The following STXBP5L variants were observed in gnomAD, a reference collection of about 807,000 sequenced individuals.
STXBP5L encodes syntaxin-binding protein 5-like.
STXBP5L carries 65 observed loss-of-function variants against 144.5 expected under a neutral mutation model. That is an observed-to-expected ratio of 0.45 (90% CI 0.37 to 0.55). The LOEUF (loss-of-function observed/expected upper bound fraction) is 0.55. Among genes scored for constraint, STXBP5L ranks in the 20% least tolerant of loss-of-function variants. The pLI, the probability that STXBP5L is intolerant of heterozygous loss-of-function variation, is 0.00. For missense variants in STXBP5L, 1,298 were observed against 1,405.5 expected (o/e 0.92, Z 1.22); for synonymous variants, 505 against 469.6 (o/e 1.08, Z -0.97).
intron 19 of STXBP5L, among the ~76,000 whole-genome samples, chr3:121,294,930 G>A (rs2051590126): frequency 6.6e-6 from 1 of 152,078 alleles, no homozygotes; most frequent in Non-Finnish European, 1.5e-5. Context: ...CCTTTAAAAA[G>A]CGATTTTAGA....
chr3:120,970,852 C>T (rs1940167923), intron 3 of STXBP5L, among the ~76,000 whole-genome samples: 2 of 152,052 alleles, frequency 1.3e-5, no homozygotes, highest in Non-Finnish European at 2.9e-5. Flanking sequence ...TAAAACAATT[C>T]ACTGGAACTA....
At chr3:120,976,359 T>C (rs546042941) in intron 3 of STXBP5L, among the ~76,000 whole-genome samples, 100 of 152,308 alleles carry the variant, frequency 6.6e-4, no homozygotes, top group African/African-American at 2.4e-3. Context: ...TCTCTGATAG[T>C]AGTTTGTATT....
intron 5 of STXBP5L, among the ~76,000 whole-genome samples, chr3:121,106,510 C>A (rs2043717671): frequency 6.6e-6 from 1 of 152,120 alleles, no homozygotes; most frequent in Non-Finnish European, 1.5e-5. Context: ...GTTTTCTGTT[C>A]CTGTGTTAGT....
intron 5 of STXBP5L, among the ~76,000 whole-genome samples, chr3:121,110,714 ATCT>A (rs1438619541): frequency 2.0e-5 from 3 of 151,904 alleles, no homozygotes; most frequent in African/African-American, 7.3e-5. Flanking sequence ...TTGGGGGTTG[ATCT>A]TCTTATGGAA....
At chr3:121,138,775 G>A (rs769560752) in intron 7 of STXBP5L, among the ~76,000 whole-genome samples, 1 of 151,824 alleles carries the variant, frequency 6.6e-6, no homozygotes, top group Non-Finnish European at 1.5e-5. Context: ...AAATAATTAA[G>A]TGTAAATCCT....
intron 5 of STXBP5L, among the ~76,000 whole-genome samples, chr3:121,081,536 A>T (rs2042247929): frequency 6.6e-6 from 1 of 152,182 alleles, no homozygotes; most frequent in Non-Finnish European, 1.5e-5. Context: ...TATACTTGGT[A>T]TATGGGCAAG....
rs2047162345 is a variant in STXBP5L at position 121,413,339 on chromosome 3, C to T, written c.3114+16C>T. ...TAATCTACAGGTAGGTCAGGAGTTA[C>T]ATTTATGAAAAAGACATTGGACATG... On this transcript the variant is annotated intron_variant, in intron 24 of 26. Transcript: ENST00000471454. The T allele has an allele frequency of 6.7e-7, 1 of 1,501,248 alleles. No homozygotes were observed. The highest frequency in any genetic ancestry group is 1.4e-5 in the African/African-American group (1 of 70,558). The allele number at this position is 1,501,248 out of a possible 1,614,324, so 93.0% of individuals were successfully genotyped here.
chr3:121,370,880 CTGG>C, intron 20 of STXBP5L, among the ~76,000 whole-genome samples: 1 of 152,288 alleles, frequency 6.6e-6, no homozygotes, highest in East Asian at 1.9e-4. Flanking sequence ...CTTTCCTGCA[CTGG>C]CTGTTTTGTC....
chr3:121,172,398 A>G (rs1287771011), intron 9 of STXBP5L, among the ~76,000 whole-genome samples: 1 of 152,210 alleles, frequency 6.6e-6, no homozygotes, highest in African/African-American at 2.4e-5. Flanking sequence ...GTGGACAGGC[A>G]ACCTACAGAA....
chr3:121,030,367 A>T (rs1946278942), intron 3 of STXBP5L, among the ~76,000 whole-genome samples: 1 of 152,164 alleles, frequency 6.6e-6, no homozygotes, highest in South Asian at 2.1e-4. Flanking sequence ...GGATGAGTTC[A>T]TGTCCTTTGC....
chr3:120,978,440 A>G (rs1941347023), intron 3 of STXBP5L, among the ~76,000 whole-genome samples: 1 of 152,010 alleles, frequency 6.6e-6, no homozygotes, highest in African/African-American at 2.4e-5. Context: ...CTAGTTATAC[A>G]TTTGTCTAAA....
intron 7 of STXBP5L, among the ~76,000 whole-genome samples, chr3:121,126,987 A>G (rs2044733865): frequency 6.6e-6 from 1 of 152,124 alleles, no homozygotes; most frequent in African/African-American, 2.4e-5. Context: ...CTTTTATAAA[A>G]TATTTTATGT....
At chr3:120,971,446 T>C (rs1180106016) in intron 3 of STXBP5L, among the ~76,000 whole-genome samples, 1 of 151,442 alleles carries the variant, frequency 6.6e-6, no homozygotes, top group Non-Finnish European at 1.5e-5. Flanking sequence ...TGTGTGTCTA[T>C]GTGTACCCAC....
intron 3 of STXBP5L, among the ~76,000 whole-genome samples, chr3:121,013,503 T>A (rs1944929886): frequency 6.6e-6 from 1 of 152,076 alleles, no homozygotes; most frequent in South Asian, 2.1e-4. Flanking sequence ...TTTGGATAAG[T>A]GTCTGTTCAT....
At chr3:121,305,137 T>C (rs1174075824) in intron 19 of STXBP5L, among the ~76,000 whole-genome samples, 2 of 152,064 alleles carry the variant, frequency 1.3e-5, no homozygotes, top group African/African-American at 4.8e-5. Context: ...AAAATATAAG[T>C]AACCCATATC....
At chr3:121,166,134 G>T (rs2046490566) in intron 9 of STXBP5L, among the ~76,000 whole-genome samples, 1 of 152,022 alleles carries the variant, frequency 6.6e-6, no homozygotes. Context: ...TCCCTCCTGA[G>T]TAGCTGGGAC....
chr3:121,256,341 A>G (rs2050204804), intron 16 of STXBP5L, among the ~76,000 whole-genome samples: 1 of 151,986 alleles, frequency 6.6e-6, no homozygotes, highest in Admixed American at 6.6e-5. Context: ...TTTGTAAGTA[A>G]TTGTTTTCAA....
intron 7 of STXBP5L, among the ~76,000 whole-genome samples, chr3:121,132,354 T>A (rs545745127): frequency 7.9e-5 from 12 of 152,266 alleles, no homozygotes; most frequent in African/African-American, 2.6e-4. Flanking sequence ...GTCTGGAACA[T>A]CTAGCTACCT....
intron 22 of STXBP5L, among the ~76,000 whole-genome samples, chr3:121,402,337 G>A (rs1210876320): frequency 6.6e-6 from 1 of 152,242 alleles, no homozygotes; most frequent in Non-Finnish European, 1.5e-5. Context: ...TTTAAACAAT[G>A]TATGTAAGGG....
Sources: gnomAD v4.1 joint callset for allele counts (sites outside exome capture counted in the v4.1 genomes callset) on GRCh38, gnomAD v4.1.1 for gene constraint, MANE v1.5 for transcripts, NCBI Gene and HGNC (gene_info 2026-07-23, HGNC 2026-07-21) for gene names.